Variants in MCUB observed in about 807,000 individuals in gnomAD.
MCUB encodes the protein calcium uniporter regulatory subunit MCUb, mitochondrial.
MCUB carries 46 observed loss-of-function variants against 41.4 expected under a neutral mutation model. The ratio of observed to expected loss-of-function variants is 1.11; its 90% CI spans 0.88 to 1.42. The LOEUF (loss-of-function observed/expected upper bound fraction) is 1.42, where lower values mean the gene tolerates loss of function less well. Ranked by LOEUF, MCUB falls within the 40% of genes most tolerant of loss-of-function variation. The pLI, the probability that MCUB is intolerant of heterozygous loss-of-function variation, is 0.00. For missense variants in MCUB, 403 were observed against 404.9 expected (o/e 1.00, Z 0.04); for synonymous variants, 148 against 148.2 (o/e 1.00, Z 0.01).
At chr4:109,676,686 A>G (rs555656226) in intron 4 of MCUB, among the ~76,000 whole-genome samples, 2 of 152,356 alleles carry the variant, frequency 1.3e-5, no homozygotes, top group Admixed American at 6.5e-5. Flanking sequence ...TTCTGCTGCA[A>G]TAGCAGAATA....
chr4:109,619,030 GCCTACCTA>G (rs762220634), intron 1 of MCUB, among the ~76,000 whole-genome samples: 2,415 of 118,760 alleles, frequency 0.02, 34 homozygotes, highest in African/African-American at 0.025. Flanking sequence ...CTACCTGCCT[GCCTACCTA>G]CCTACCTACC....
intron 1 of MCUB, among the ~76,000 whole-genome samples, chr4:109,634,619 T>C (rs1255894239): frequency 6.6e-6 from 1 of 152,200 alleles, no homozygotes; most frequent in Non-Finnish European, 1.5e-5. Context: ...ATGAATGGAA[T>C]CTCATATACT....
chr4:109,679,708 G>A (rs1270250530), intron 4 of MCUB, among the ~76,000 whole-genome samples: 1 of 152,208 alleles, frequency 6.6e-6, no homozygotes. Context: ...GAAGCAGAAA[G>A]TGGACTAGTG....
chr4:109,657,660 T>G (rs1350901817), intron 1 of MCUB, among the ~76,000 whole-genome samples: 1 of 152,238 alleles, frequency 6.6e-6, no homozygotes, highest in Non-Finnish European at 1.5e-5. Context: ...CAAATGCCTG[T>G]GAACCAATTC....
chr4:109,615,216 T>C (rs1378601493), intron 1 of MCUB, among the ~76,000 whole-genome samples: 3 of 152,046 alleles, frequency 2.0e-5, no homozygotes, highest in Non-Finnish European at 4.4e-5. Flanking sequence ...GAAAACAGAA[T>C]TGGGTGAAAG....
chr4:109,617,113 A>T (rs1241770250), intron 1 of MCUB, among the ~76,000 whole-genome samples: 1 of 152,082 alleles, frequency 6.6e-6, no homozygotes, highest in Non-Finnish European at 1.5e-5. Flanking sequence ...ACCTATCTTC[A>T]CTGTTTTACA....
At chr4:109,572,312 C>T (rs148080234) in intron 1 of MCUB, among the ~76,000 whole-genome samples, 1 of 152,294 alleles carries the variant, frequency 6.6e-6, no homozygotes, top group South Asian at 2.1e-4. Flanking sequence ...GCAATAACAT[C>T]TGATAAGGAA....
At chr4:109,587,810 C>A (rs911805625) in intron 1 of MCUB, among the ~76,000 whole-genome samples, 4 of 152,004 alleles carry the variant, frequency 2.6e-5, no homozygotes, top group African/African-American at 9.7e-5. Context: ...GAGATATAGG[C>A]CTATCCTGGA....
chr4:109,652,782 A>G (rs1369352245), intron 1 of MCUB, among the ~76,000 whole-genome samples: 2 of 152,104 alleles, frequency 1.3e-5, no homozygotes, highest in Non-Finnish European at 2.9e-5. Flanking sequence ...GCCTGAAGTA[A>G]TTTTCCTGAG....
chr4:109,656,219 A>G (rs1460043937), intron 1 of MCUB, among the ~76,000 whole-genome samples: 1 of 151,934 alleles, frequency 6.6e-6, no homozygotes, highest in Non-Finnish European at 1.5e-5. Flanking sequence ...TACGGACTCT[A>G]GCATAGAATT....
intron 1 of MCUB, among the ~76,000 whole-genome samples, chr4:109,639,289 A>G (rs1484521447): frequency 4.6e-5 from 7 of 152,216 alleles, no homozygotes; most frequent in Non-Finnish European, 1.0e-4. Context: ...ATCTCCTTTT[A>G]CATTTCCATC....
At chr4:109,681,339 C>A in intron 4 of MCUB, 1 of 334,832 alleles carries the variant, frequency 3.0e-6, no homozygotes, top group South Asian at 2.2e-5. Flanking sequence ...TAGTCAAAAG[C>A]TACTAAAGTT....
chr4:109,610,409 T>A (rs1727980232), intron 1 of MCUB, among the ~76,000 whole-genome samples: 1 of 152,192 alleles, frequency 6.6e-6, no homozygotes, highest in Admixed American at 6.5e-5. Flanking sequence ...CCTCTCCTAT[T>A]ATATCTTTTA....
At chr4:109,583,624 C>A (rs1336228303) in intron 1 of MCUB, among the ~76,000 whole-genome samples, 1 of 152,186 alleles carries the variant, frequency 6.6e-6, no homozygotes, top group Non-Finnish European at 1.5e-5. Context: ...TGAGAGAGGG[C>A]ATCCCTGTCT....
chr4:109,658,488 G>A (rs970238055), intron 1 of MCUB, among the ~76,000 whole-genome samples: 9 of 152,030 alleles, frequency 5.9e-5, no homozygotes, highest in African/African-American at 1.9e-4. Flanking sequence ...GTGGAGACAG[G>A]GTTTCTCCAT....
At chr4:109,619,576 G>A (rs74192091) in intron 1 of MCUB, among the ~76,000 whole-genome samples, 18,647 of 152,100 alleles carry the variant, frequency 0.12, 1,451 homozygotes, top group South Asian at 0.21. Context: ...GCATGGTGGC[G>A]CACACCTGTA....
intron 1 of MCUB, among the ~76,000 whole-genome samples, chr4:109,628,006 T>C (rs1342096061): frequency 6.6e-6 from 1 of 152,080 alleles, no homozygotes; most frequent in Non-Finnish European, 1.5e-5. Context: ...ATAAGTCATT[T>C]GTTTTCAGAT....
At chr4:109,667,585 G>C (rs1182722929) in intron 4 of MCUB, among the ~76,000 whole-genome samples, 5 of 148,980 alleles carry the variant, frequency 3.4e-5, no homozygotes, top group African/African-American at 9.8e-5. Flanking sequence ...AATTTCATTG[G>C]TTTCTACTCT....
intron 1 of MCUB, among the ~76,000 whole-genome samples, chr4:109,585,274 A>G (rs904891575): frequency 8.6e-5 from 13 of 151,890 alleles, no homozygotes; most frequent in Admixed American, 6.6e-4. Context: ...TGCAACCCCT[A>G]CTTTTTTCCT....
Sources: allele counts gnomAD v4.1 joint callset (sites outside exome capture counted in the v4.1 genomes callset), GRCh38; gene constraint gnomAD v4.1.1; transcripts MANE v1.5; gene names NCBI Gene and HGNC (gene_info 2026-07-23, HGNC 2026-07-21).